The following WASF3 variants were observed in gnomAD, a reference collection of about 807,000 sequenced individuals.
WASF3 encodes the protein WASP family member 3.
A neutral mutation model predicts 46.6 loss-of-function variants in WASF3; 11 were observed. The ratio of observed to expected loss-of-function variants is 0.24; its 90% confidence interval spans 0.15 to 0.39. The LOEUF (loss-of-function observed/expected upper bound fraction) is 0.39. WASF3 is among the 10% of genes least tolerant of loss of function. The pLI is 1.00. For synonymous variants in WASF3, 242 were observed against 259.7 expected, an observed-to-expected ratio of 0.93 and a Z score of 0.65; for missense variants, 576 against 669.8, an observed-to-expected ratio of 0.86 and a Z score of 1.55.
In WASF3 at chr13:26,681,024, T is replaced by C. The variant is rs945649305; in HGVS notation, c.717-30T>C. On this transcript the variant is annotated intron_variant, in intron 7 of 9. Coordinates refer to ENST00000335327, the MANE Select transcript of WASF3 (RefSeq NM_006646.6). The stretch of plus-strand genomic sequence containing the variant: ...CCGACAATTTTTAAATTAATTTAAA[T>C]TTCTCCCACCTCTTGTTTTCAAATG... 5.7e-6 allele frequency: 9 copies of C among 1,573,614 alleles called. No homozygotes were observed. In the African/African-American group the frequency reaches 8.1e-5, roughly 14 times the overall value.
chr13:26,576,833 A>G (rs1038884934), intron 1 of WASF3: 19 of 496,494 alleles, frequency 3.8e-5, no homozygotes, highest in Non-Finnish European at 5.0e-5. Context: ...GTAACATCCT[A>G]CGTAACTATA....
chr13:26,674,389 A>G (rs1883003770), intron 6 of WASF3, among the ~76,000 whole-genome samples: 1 of 152,120 alleles, frequency 6.6e-6, no homozygotes, highest in African/African-American at 2.4e-5. Flanking sequence ...ATCACATTGA[A>G]ATCTTCCTCC....
chr13:26,675,329 A>G (rs954641417), intron 6 of WASF3, among the ~76,000 whole-genome samples: 5 of 151,998 alleles, frequency 3.3e-5, no homozygotes, highest in East Asian at 1.9e-4. Flanking sequence ...GTGCAGTGCT[A>G]TCCTCCTCCC....
At chr13:26,608,932 G>A (rs1205452835) in intron 1 of WASF3, among the ~76,000 whole-genome samples, 2 of 152,148 alleles carry the variant, frequency 1.3e-5, no homozygotes, top group South Asian at 2.1e-4. Context: ...ATCGATAGAA[G>A]TGAAAAGAAG....
intron 2 of WASF3, among the ~76,000 whole-genome samples, chr13:26,635,082 T>C (rs1322413605): frequency 6.6e-6 from 1 of 152,232 alleles, no homozygotes; most frequent in Non-Finnish European, 1.5e-5. Flanking sequence ...TGAAAAGTGT[T>C]TTCCAACTTG....
chr13:26,629,367 C>T (rs748559819), intron 2 of WASF3, among the ~76,000 whole-genome samples: 2 of 142,086 alleles, frequency 1.4e-5, no homozygotes, highest in Non-Finnish European at 3.3e-5. Flanking sequence ...CTTGACCATA[C>T]AACCAGGCTG....
At chr13:26,588,061 T>C (rs1209116988) in intron 1 of WASF3, among the ~76,000 whole-genome samples, 1 of 152,198 alleles carries the variant, frequency 6.6e-6, no homozygotes, top group Non-Finnish European at 1.5e-5. Flanking sequence ...GGTTTGGAAT[T>C]GGTTGACTCT....
chr13:26,541,791 A>C, the WASF3 span, among the ~76,000 whole-genome samples: 1 of 151,992 alleles, frequency 6.6e-6, no homozygotes, highest in Non-Finnish European at 1.5e-5. Context: ...CCCAGAGCCC[A>C]CCCATTCTTT....
the WASF3 span, among the ~76,000 whole-genome samples, chr13:26,550,070 A>G: frequency 6.6e-6 from 1 of 152,216 alleles, no homozygotes; most frequent in South Asian, 2.1e-4. Context: ...AAATGAAGAC[A>G]ATAACTGAAT....
In WASF3 at chr13:26,558,620, A is replaced by G. The variant is rs572917359; in HGVS notation, c.-109+801A>G. On this transcript the variant is annotated intron_variant, in intron 1 of 9. Transcript: ENST00000335327. ...TTGATTTGGCCCCTCTGCAAGGGAG[A>G]GTTCCCTGGTGGAGACGAGAGTTCT... 2.6e-5 allele frequency among the ~76,000 whole-genome samples: 4 copies of G among 152,262 alleles called. No individual in the cohort carries two copies. The East Asian group carries it at 7.7e-4, about 29-fold the overall frequency.
At chr13:26,676,329 C>T (rs1252467700) in intron 6 of WASF3, among the ~76,000 whole-genome samples, 2 of 152,160 alleles carry the variant, frequency 1.3e-5, no homozygotes, top group African/African-American at 4.8e-5. Flanking sequence ...CAACTCTTAA[C>T]AGTTGTAGCA....
chr13:26,611,258 T>G (rs569977498), intron 1 of WASF3, among the ~76,000 whole-genome samples: 12 of 152,264 alleles, frequency 7.9e-5, no homozygotes, highest in African/African-American at 2.9e-4. Context: ...TGATCCTAAT[T>G]TCTTCATTTT....
intron 2 of WASF3, among the ~76,000 whole-genome samples, chr13:26,628,050 A>G (rs1349192953): frequency 7.6e-6 from 1 of 132,236 alleles, no homozygotes; most frequent in Non-Finnish European, 1.6e-5. Context: ...TGCTGCCCGT[A>G]CATGGAAATG....
Position 26,602,929 on chromosome 13 carries a change from G to T in WASF3, c.-108-10032G>T, listed in dbSNP as rs546436400. Among the ~76,000 whole-genome samples, 6 of 152,258 alleles carry T rather than the reference G, an allele frequency of 3.9e-5. No individual in the cohort carries two copies. In the East Asian group the frequency reaches 1.2e-3, roughly 29 times the overall value. ...GACTCAACACATTTAATGAAACTAAGTGGAAATCCTGATCTGGTTATGATC... is the reference window on the plus strand; with the variant it reads ...GACTCAACACATTTAATGAAACTAATTGGAAATCCTGATCTGGTTATGATC... On this transcript the variant is annotated intron_variant, in intron 1 of 9. Coordinates refer to ENST00000335327, the MANE Select transcript of WASF3 (RefSeq NM_006646.6).
chr13:26,542,596 C>T, the WASF3 span, among the ~76,000 whole-genome samples: 1 of 152,194 alleles, frequency 6.6e-6, no homozygotes, highest in Non-Finnish European at 1.5e-5. Flanking sequence ...GCCACAGAAT[C>T]TTAATTGTAG....
intron 3 of WASF3, among the ~76,000 whole-genome samples, chr13:26,644,030 A>G (rs984201507): frequency 9.2e-5 from 14 of 152,222 alleles, no homozygotes; most frequent in African/African-American, 2.7e-4. Context: ...GGTTTGGTTC[A>G]GTGTAATCCA....
chr13:26,569,705 A>G, intron 1 of WASF3, among the ~76,000 whole-genome samples: 1 of 152,180 alleles, frequency 6.6e-6, no homozygotes, highest in Non-Finnish European at 1.5e-5. Context: ...TAGACATTAA[A>G]CGAGGAGAAA....
chr13:26,655,749 G>T (rs538470994), intron 3 of WASF3, among the ~76,000 whole-genome samples: 1 of 152,138 alleles, frequency 6.6e-6, no homozygotes, highest in African/African-American at 2.4e-5. Context: ...TGGACTGATG[G>T]ATTATTTTAT....
chr13:26,652,911 TA>T (rs34425342), intron 3 of WASF3, among the ~76,000 whole-genome samples: 100,818 of 151,968 alleles, frequency 0.66, 34,313 homozygotes, highest in African/African-American at 0.81. Flanking sequence ...ATGCCTTAGG[TA>T]GGGCCCTTGG....
Sources: allele counts gnomAD v4.1 joint callset (sites outside exome capture counted in the v4.1 genomes callset), GRCh38; gene constraint gnomAD v4.1.1; transcripts MANE v1.5; gene names NCBI Gene and HGNC (gene_info 2026-07-23, HGNC 2026-07-21).